Variants in TXLNB observed in about 807,000 individuals in gnomAD.
TXLNB encodes the protein beta-taxilin.
A neutral mutation model predicts 57.4 loss-of-function variants in TXLNB; 37 were observed. That is an observed-to-expected ratio of 0.64 (90% CI 0.50 to 0.85). The LOEUF is 0.85. TXLNB is among the 40% of genes least tolerant of loss of function. The probability of loss-of-function intolerance (pLI) is 0.00; values close to 1 mark genes in which losing one functional copy is unlikely to be tolerated. For synonymous variants in TXLNB, 302 were observed against 309.6 expected (o/e 0.98, Z 0.26); for missense variants, 848 against 825.6 (o/e 1.03, Z -0.33).
chr6:139,281,777 T>C (rs1777058694), intron 2 of TXLNB, among the ~76,000 whole-genome samples: 1 of 114,296 alleles, frequency 8.7e-6, no homozygotes, highest in Non-Finnish European at 1.6e-5. Context: ...CTCGATCTCC[T>C]GACCTCGTGA....
At chr6:139,248,696 G>A (rs6912386) in intron 7 of TXLNB, among the ~76,000 whole-genome samples, 35,460 of 152,100 alleles carry the variant, frequency 0.23, 4,396 homozygotes, top group African/African-American at 0.29. Flanking sequence ...TGGCTACATA[G>A]TCAAGTCAGT....
Position 139,260,408 on chromosome 6 carries a change from TTC to T in TXLNB, c.910_911del (p.Glu304ThrfsTer11). 1.2e-6 allele frequency: 2 copies of T among 1,614,166 alleles called. No individual in the cohort carries two copies. Among genetic ancestry groups the T allele is most frequent in the Non-Finnish European group, 1.7e-6 (2 of 1,180,032 alleles). On this transcript the variant is annotated frameshift_variant, in exon 6 of 10. Coordinates refer to ENST00000358430, the MANE Select transcript of TXLNB (RefSeq NM_153235.4). LOFTEE classifies it high-confidence loss of function. ...EHLDKIFKHR[E>X]LQQKLVDAKL... ...TTGCATCCACCAGCTTCTGCTGCAG[TTC>T]TCTGTGTTTAAATATTTTGTCCAGA...
At chr6:139,266,463 G>A (rs771240353) in intron 4 of TXLNB, among the ~76,000 whole-genome samples, 5 of 152,080 alleles carry the variant, frequency 3.3e-5, no homozygotes, top group Non-Finnish European at 5.9e-5. Flanking sequence ...AACCATCACT[G>A]GATGGATTTA....
At chr6:139,217,392 T>C in the TXLNB span, among the ~76,000 whole-genome samples, 1 of 152,180 alleles carries the variant, frequency 6.6e-6, no homozygotes, top group Non-Finnish European at 1.5e-5. Context: ...TCGGGATGTG[T>C]AGGAAATATG....
rs144375538 is a variant in TXLNB, at chr6:139,249,428, T to G, written c.1078-1519A>C. ...AACATTTTCATACAACATAGTTTTT[T>G]GTATGAAGAAGCAGACTTGCAGCAT... On this transcript the variant is annotated intron_variant, in intron 7 of 9. Coordinates refer to ENST00000358430, the MANE Select transcript of TXLNB (RefSeq NM_153235.4). Among the ~76,000 whole-genome samples, 229 of 152,324 alleles carry G rather than the reference T, an allele frequency of 1.5e-3. 2 individuals are homozygous for G. The East Asian group carries it at 0.027, about 18-fold the overall frequency.
At chr6:139,200,529 T>C in the TXLNB span, among the ~76,000 whole-genome samples, 1 of 152,146 alleles carries the variant, frequency 6.6e-6, no homozygotes, top group Non-Finnish European at 1.5e-5. Flanking sequence ...TAAGTAATTT[T>C]GGGATGCCAT....
At chr6:139,270,292 CA>C (rs771295345) in intron 4 of TXLNB, among the ~76,000 whole-genome samples, 163 bp downstream of exon 4, 7 of 152,082 alleles carry the variant, frequency 4.6e-5, no homozygotes, top group Non-Finnish European at 8.8e-5. Flanking sequence ...GAAAGTAGCT[CA>C]AGGAGGTAAA....
chr6:139,292,510 G>A (rs1337349227), upstream of TXLNB, among the ~76,000 whole-genome samples: 1 of 152,188 alleles, frequency 6.6e-6, no homozygotes, highest in Non-Finnish European at 1.5e-5. The surrounding 1 kb of genome is among the most constrained non-coding windows in gnomAD (Gnocchi z 4.0). Flanking sequence ...GAACAGGGAG[G>A]TGGTGGAACC....
At chr6:139,197,281 C>G in the TXLNB span, among the ~76,000 whole-genome samples, 8 of 152,196 alleles carry the variant, frequency 5.3e-5, no homozygotes, top group African/African-American at 1.9e-4. Flanking sequence ...CACTTATGAC[C>G]AACTAACATC....
chr6:139,215,331 A>G, the TXLNB span, among the ~76,000 whole-genome samples: 11 of 152,168 alleles, frequency 7.2e-5, no homozygotes, highest in African/African-American at 2.7e-4. Context: ...ACATATCTAC[A>G]ACTATCTGAT....
the TXLNB span, among the ~76,000 whole-genome samples, chr6:139,227,025 T>TCAAAA: frequency 0.032 from 4,833 of 151,410 alleles, 122 homozygotes; most frequent in African/African-American, 0.083. Flanking sequence ...AGACTCTGTT[T>TCAAAA]CAAAACAAAA....
intron 5 of TXLNB, among the ~76,000 whole-genome samples, chr6:139,261,986 C>T (rs1776494692): frequency 6.6e-6 from 1 of 150,660 alleles, no homozygotes; most frequent in Admixed American, 6.6e-5. Context: ...TCACTGCAAC[C>T]TCCACCTCCT....
chr6:139,268,489 T>C (rs1381765071), intron 4 of TXLNB, among the ~76,000 whole-genome samples: 6 of 152,200 alleles, frequency 3.9e-5, no homozygotes, highest in Non-Finnish European at 8.8e-5. Flanking sequence ...TGATCGGCTA[T>C]AAAAATTAAA....
the TXLNB span, among the ~76,000 whole-genome samples, chr6:139,306,838 G>T: frequency 6.6e-6 from 1 of 152,114 alleles, no homozygotes; most frequent in Non-Finnish European, 1.5e-5. Context: ...CTGCTTGGTG[G>T]CCTTATCATG....
At chr6:139,265,903 C>G (rs947219135) in intron 4 of TXLNB, among the ~76,000 whole-genome samples, 2 of 152,094 alleles carry the variant, frequency 1.3e-5, no homozygotes, top group Non-Finnish European at 2.9e-5. Flanking sequence ...AGTCCCTCAA[C>G]AGTGAGGGGA....
At chr6:139,265,710 G>A (rs1322996657) in intron 4 of TXLNB, among the ~76,000 whole-genome samples, 1 of 152,196 alleles carries the variant, frequency 6.6e-6, no homozygotes, top group African/African-American at 2.4e-5. Flanking sequence ...ACACTAGAGA[G>A]TAAACAAAAT....
At chr6:139,269,595 T>A (rs759396432) in intron 4 of TXLNB, among the ~76,000 whole-genome samples, 1 of 152,258 alleles carries the variant, frequency 6.6e-6, no homozygotes, top group Non-Finnish European at 1.5e-5. Flanking sequence ...TTTTTCTTCC[T>A]AACTCAATTG....
intron 5 of TXLNB, among the ~76,000 whole-genome samples, chr6:139,261,488 G>C (rs528545324): frequency 1.3e-5 from 2 of 152,278 alleles, no homozygotes; most frequent in South Asian, 4.1e-4. Context: ...TTTTAAAGCA[G>C]AGATTTAAAA....
the TXLNB span, among the ~76,000 whole-genome samples, chr6:139,206,575 G>A: frequency 6.6e-6 from 1 of 152,074 alleles, no homozygotes; most frequent in South Asian, 2.1e-4. Flanking sequence ...GGCTGAGGCA[G>A]GAGAATCGCT....
Sources: gnomAD v4.1 joint callset for allele counts (sites outside exome capture counted in the v4.1 genomes callset) on GRCh38, gnomAD v4.1.1 for gene constraint, Gnocchi (gnomAD v3.1) non-coding constraint, MANE v1.5 for transcripts, NCBI Gene and HGNC (gene_info 2026-07-23, HGNC 2026-07-21) for gene names.